The following PTCHD4 variants were observed in gnomAD, a reference collection of about 807,000 sequenced individuals.
PTCHD4 encodes patched domain-containing protein 4.
In PTCHD4, 33 loss-of-function variants were observed where a neutral mutation model predicts 58.1. The ratio of observed to expected loss-of-function variants is 0.57; its 90% CI spans 0.43 to 0.76. The LOEUF (loss-of-function observed/expected upper bound fraction) is 0.76, where lower values mean the gene tolerates loss of function less well. Ranked by LOEUF, PTCHD4 falls within the 30% of genes least tolerant of loss-of-function variation. The pLI, the probability that PTCHD4 is intolerant of heterozygous loss-of-function variation, is 0.00. For missense variants in PTCHD4, 1,058 were observed against 1,027.1 expected (o/e 1.03, Z -0.41); for synonymous variants, 478 against 409.6 (o/e 1.17, Z -2.02).
Position 47,879,110 on chromosome 6 carries a change from T to A in PTCHD4, c.1725A>T (p.Ser575=). ...GCTGGAATTCTGGCTTTTTTAAAAA[T>A]GAGCTTTGCAGGACACTGATGAAGT... The part of the protein sequence containing the change: ...KSDFISVLQS[S]FLKKPEFQHF... The change falls in exon 5 of 5, where the codon TCA becomes TCT. Residue 575 remains serine (S), a synonymous_variant. Coordinates refer to ENST00000339488, the MANE Select transcript of PTCHD4 (RefSeq NM_001384253.1). The A allele has an allele frequency of 1.2e-6, 2 of 1,612,604 alleles. No individual in the cohort carries two copies. The highest frequency in any genetic ancestry group is 2.2e-5 in the South Asian group (2 of 91,060).
intron 4 of PTCHD4, among the ~76,000 whole-genome samples, chr6:47,973,531 C>T (rs557046936): frequency 2.6e-5 from 4 of 152,154 alleles, no homozygotes; most frequent in Non-Finnish European, 5.9e-5. Context: ...TGGAGCCAGA[C>T]GGCACCAACA....
chr6:47,921,288 T>C (rs959257549), intron 4 of PTCHD4, among the ~76,000 whole-genome samples: 3 of 152,220 alleles, frequency 2.0e-5, no homozygotes, highest in East Asian at 1.9e-4. Context: ...TTTTGGTTAA[T>C]AGTACATTAC....
intron 3 of PTCHD4, among the ~76,000 whole-genome samples, chr6:48,035,203 T>C (rs1009642854): frequency 6.6e-6 from 1 of 152,098 alleles, no homozygotes; most frequent in Non-Finnish European, 1.5e-5. Context: ...TAATATACCA[T>C]TGAAACACGT....
In PTCHD4 at chr6:47,872,407, C is replaced by G. The variant is rs112788978; in HGVS notation, c.*5896G>C. 6.6e-6 allele frequency among the ~76,000 whole-genome samples: 1 copy of G among 151,566 alleles called. No homozygotes were observed. Among genetic ancestry groups the G allele is most frequent in the East Asian group, 1.9e-4 (1 of 5,136 alleles). On this transcript the variant is annotated 3_prime_UTR_variant, in exon 5 of 5. Transcript: ENST00000339488. Reference sequence around the variant, plus strand: ...CTGTGGCAACAGAGGGAAAGAAAACCGTAATGCTCCTCTATTAGACCATGC... The same window carrying G: ...CTGTGGCAACAGAGGGAAAGAAAACGGTAATGCTCCTCTATTAGACCATGC...
intron 3 of PTCHD4, among the ~76,000 whole-genome samples, chr6:48,061,511 C>T (rs1764624628): frequency 6.6e-6 from 1 of 152,154 alleles, no homozygotes; most frequent in Non-Finnish European, 1.5e-5. Context: ...CTGAGGTCAA[C>T]CTTGAGTTTT....
chr6:48,069,875 T>C lies in PTCHD4; in HGVS notation c.-918A>G, dbSNP rs1764941826. 6.6e-6 allele frequency among the ~76,000 whole-genome samples: 1 copy of C among 152,030 alleles called. No homozygotes were observed. The highest frequency in any genetic ancestry group is 1.5e-5 in the Non-Finnish European group (1 of 67,990). On this transcript the variant is annotated 5_prime_UTR_variant, in exon 2 of 5. Transcript: ENST00000339488. ...CATCTGGTTCAGGCTAATTTTCCCC[T>C]GTGAGTGGAATTCCAGAAACAGACA...
chr6:47,908,331 C>G (rs1764965087), intron 4 of PTCHD4, among the ~76,000 whole-genome samples: 2 of 152,150 alleles, frequency 1.3e-5, no homozygotes, highest in Admixed American at 1.3e-4. Context: ...AATTCTCAGT[C>G]TGCCCCTCAC....
chr6:48,019,063 G>A (rs887755065), intron 3 of PTCHD4, among the ~76,000 whole-genome samples: 4 of 152,178 alleles, frequency 2.6e-5, no homozygotes, highest in African/African-American at 4.8e-5. Flanking sequence ...AATTGGGGAG[G>A]CAAAACTCAG....
chr6:47,947,175 G>T (rs1581917913), intron 4 of PTCHD4, among the ~76,000 whole-genome samples: 1 of 151,898 alleles, frequency 6.6e-6, no homozygotes, highest in East Asian at 1.9e-4. Flanking sequence ...AAATGTTTAT[G>T]TGCATATTTA....
intron 3 of PTCHD4, among the ~76,000 whole-genome samples, chr6:48,019,462 C>T (rs1279056381): frequency 2.0e-5 from 3 of 152,080 alleles, no homozygotes; most frequent in East Asian, 3.9e-4. Flanking sequence ...ACTGGCCGGG[C>T]GCTGTGGCTC....
At chr6:47,978,382 A>C (rs1767771465) in intron 4 of PTCHD4, among the ~76,000 whole-genome samples, 1 of 152,142 alleles carries the variant, frequency 6.6e-6, no homozygotes. Context: ...AGGTCTGGAG[A>C]GCTCTGCTTC....
chr6:47,981,677 A>G (rs1310490030), intron 4 of PTCHD4, among the ~76,000 whole-genome samples: 1 of 152,218 alleles, frequency 6.6e-6, no homozygotes, highest in Non-Finnish European at 1.5e-5. Context: ...CTGAACCCTC[A>G]GGAGCTGGTT....
intron 3 of PTCHD4, among the ~76,000 whole-genome samples, chr6:48,015,113 A>G (rs575125554): frequency 1.2e-4 from 18 of 150,610 alleles, no homozygotes; most frequent in Non-Finnish European, 2.5e-4. Flanking sequence ...TTATGTCCCA[A>G]TAAAGACAAG....
At chr6:47,983,242 G>C (rs980321798) in intron 4 of PTCHD4, among the ~76,000 whole-genome samples, 1 of 152,104 alleles carries the variant, frequency 6.6e-6, no homozygotes, top group Non-Finnish European at 1.5e-5. Context: ...AGGGATTTTT[G>C]TTGCTTTTTT....
intron 4 of PTCHD4, among the ~76,000 whole-genome samples, chr6:47,973,089 A>C (rs910146421): frequency 6.6e-6 from 1 of 152,056 alleles, no homozygotes; most frequent in Non-Finnish European, 1.5e-5. Flanking sequence ...TCTTATTCCT[A>C]TGAGTCAGAA....
chr6:47,907,895 C>A (rs9395329), intron 4 of PTCHD4, among the ~76,000 whole-genome samples: 4 of 151,526 alleles, frequency 2.6e-5, no homozygotes, highest in Non-Finnish European at 5.9e-5. Flanking sequence ...CCACCTCAAG[C>A]TATGTTTCTC....
intron 4 of PTCHD4, among the ~76,000 whole-genome samples, chr6:47,888,822 A>C: frequency 8.3e-6 from 1 of 120,148 alleles, no homozygotes; most frequent in East Asian, 2.7e-4. Flanking sequence ...CCCACCCCAC[A>C]ACAGTCCCCA....
intron 1 of PTCHD4, among the ~76,000 whole-genome samples, chr6:48,104,453 A>T (rs925204958): frequency 1.3e-5 from 2 of 152,212 alleles, no homozygotes; most frequent in Non-Finnish European, 2.9e-5. Context: ...TGAAGGAAGC[A>T]CTAAACATGG....
chr6:47,940,122 G>A (rs1766155538), intron 4 of PTCHD4, among the ~76,000 whole-genome samples: 1 of 152,028 alleles, frequency 6.6e-6, no homozygotes, highest in Non-Finnish European at 1.5e-5. Context: ...CTTATCCAGT[G>A]GTAGAAATGG....
Sources: gnomAD v4.1 joint callset for allele counts (sites outside exome capture counted in the v4.1 genomes callset) on GRCh38, gnomAD v4.1.1 for gene constraint, MANE v1.5 for transcripts, NCBI Gene and HGNC (gene_info 2026-07-23, HGNC 2026-07-21) for gene names.